The following TRAPPC9 variants were observed in gnomAD, a reference collection of about 807,000 sequenced individuals.
The protein encoded by TRAPPC9 is trafficking protein particle complex subunit 9.
A neutral mutation model predicts 124.0 loss-of-function variants in TRAPPC9; 83 were observed. The observed-to-expected ratio is 0.67, with a 90% CI of 0.56 to 0.80. TRAPPC9 has a LOEUF of 0.80. TRAPPC9 is among the 30% of genes least tolerant of loss of function. The pLI is 0.00. For synonymous variants in TRAPPC9, 638 were observed against 617.5 expected, an observed-to-expected ratio of 1.03 and a Z score of -0.49; for missense variants, 1,302 against 1,508.3, an observed-to-expected ratio of 0.86 and a Z score of 2.27.
At chr8:139,856,272 T>G (rs994773860) in intron 21 of TRAPPC9, among the ~76,000 whole-genome samples, 2 of 152,096 alleles carry the variant, frequency 1.3e-5, no homozygotes, top group African/African-American at 4.8e-5. Context: ...GGACTGAATT[T>G]CAGCATACCT....
chr8:139,903,485 C>T (rs1378127122), intron 20 of TRAPPC9, among the ~76,000 whole-genome samples: 1 of 152,168 alleles, frequency 6.6e-6, no homozygotes, highest in East Asian at 1.9e-4. Context: ...CCCTGAAATG[C>T]TCTCCAAAGG....
At chr8:140,179,659 G>A (rs1301137121) in intron 17 of TRAPPC9, among the ~76,000 whole-genome samples, 5 of 152,076 alleles carry the variant, frequency 3.3e-5, no homozygotes, top group African/African-American at 1.2e-4. Flanking sequence ...CAATTACCAA[G>A]AGTGGTGATA....
At chr8:140,334,149 A>G (rs1022029450) in intron 9 of TRAPPC9, among the ~76,000 whole-genome samples, 1 of 152,156 alleles carries the variant, frequency 6.6e-6, no homozygotes, top group Non-Finnish European at 1.5e-5. Context: ...CTTTATTCTA[A>G]AACTATTTCA....
intron 15 of TRAPPC9, among the ~76,000 whole-genome samples, chr8:140,270,859 G>A (rs1430284035): frequency 1.1e-4 from 16 of 152,252 alleles, no homozygotes; most frequent in Admixed American, 9.2e-4. Flanking sequence ...ATGAAGCCAA[G>A]CATGGGGCAG....
chr8:140,001,385 T>C (rs1158416647), intron 18 of TRAPPC9, among the ~76,000 whole-genome samples: 2 of 54,116 alleles, frequency 3.7e-5, no homozygotes, highest in Non-Finnish European at 1.1e-4. Flanking sequence ...ACTTAAAGTA[T>C]AATAATAATA....
At chr8:139,745,132 A>G (rs1436192787) in intron 21 of TRAPPC9, among the ~76,000 whole-genome samples, 2 of 152,200 alleles carry the variant, frequency 1.3e-5, no homozygotes, top group Non-Finnish European at 2.9e-5. Context: ...GGGGTGAAAC[A>G]CCGTCACCAA....
intron 21 of TRAPPC9, among the ~76,000 whole-genome samples, chr8:139,861,236 G>A (rs535685594): frequency 1.3e-5 from 2 of 152,356 alleles, no homozygotes; most frequent in Admixed American, 6.5e-5. Context: ...GGAGGGGAAC[G>A]AGTTCTTATT....
intron 21 of TRAPPC9, among the ~76,000 whole-genome samples, chr8:139,779,161 T>C (rs559751605): frequency 1.3e-5 from 2 of 152,216 alleles, no homozygotes; most frequent in East Asian, 3.9e-4. Flanking sequence ...CAATTTCATA[T>C]CACAAACAAT....
chr8:140,057,920 C>T (rs1360246418), intron 17 of TRAPPC9, among the ~76,000 whole-genome samples: 1 of 152,196 alleles, frequency 6.6e-6, no homozygotes, highest in African/African-American at 2.4e-5. Context: ...CTCAGCACAC[C>T]AGAGCTCTAG....
chr8:140,102,491 A>G (rs1052984812), intron 17 of TRAPPC9, among the ~76,000 whole-genome samples: 1 of 152,120 alleles, frequency 6.6e-6, no homozygotes, highest in Non-Finnish European at 1.5e-5. Flanking sequence ...ACACACACAC[A>G]CACGCATGCA....
intron 21 of TRAPPC9, among the ~76,000 whole-genome samples, chr8:139,806,895 G>C (rs1258858869): frequency 1.3e-5 from 2 of 152,226 alleles, no homozygotes; most frequent in African/African-American, 4.8e-5. Flanking sequence ...AAGGGGCGGG[G>C]GTGTTAAGGA....
Position 139,731,038 on chromosome 8 carries a change from AAG to A in TRAPPC9, c.*21_*22del. 6.2e-7 allele frequency: 1 copy of A among 1,610,634 alleles called. No homozygotes were observed. Among genetic ancestry groups the A allele is most frequent in the Non-Finnish European group, 8.5e-7 (1 of 1,179,398 alleles). ...GCAGGGTCACCTCTGGCCCTGCAGAAAGAGGGACGGAAGTAGGCGGGCTCAGG... is the reference window on the plus strand; with the variant it reads ...GCAGGGTCACCTCTGGCCCTGCAGAAAGGGACGGAAGTAGGCGGGCTCAGG... On this transcript the variant is annotated 3_prime_UTR_variant, in exon 23 of 23. Transcript: ENST00000438773.
chr8:140,319,595 T>C (rs955328414), intron 9 of TRAPPC9, among the ~76,000 whole-genome samples: 1 of 152,164 alleles, frequency 6.6e-6, no homozygotes, highest in Non-Finnish European at 1.5e-5. Context: ...GCCTACCGGA[T>C]AGCTGGGACT....
At chr8:140,326,113 G>A (rs1414465171) in intron 9 of TRAPPC9, among the ~76,000 whole-genome samples, 2 of 151,988 alleles carry the variant, frequency 1.3e-5, no homozygotes, top group Non-Finnish European at 2.9e-5. Flanking sequence ...CTGGCCAGGC[G>A]CAGTGGCTCA....
intron 9 of TRAPPC9, among the ~76,000 whole-genome samples, chr8:140,355,644 G>A (rs978885899): frequency 6.6e-6 from 1 of 152,218 alleles, no homozygotes; most frequent in Non-Finnish European, 1.5e-5. Flanking sequence ...CAGCACTGGG[G>A]GGGAATTAAC....
chr8:140,300,372 T>C, intron 11 of TRAPPC9, 97 bp downstream of exon 11: 1 of 1,522,516 alleles, frequency 6.6e-7, no homozygotes, highest in Non-Finnish European at 9.1e-7. Flanking sequence ...CACATGCACA[T>C]GCATGAACTG....
rs567828121 is a variant in TRAPPC9 at position 140,386,964 on chromosome 8, CAG to C, written c.1134+10654_1134+10655del. Among the ~76,000 whole-genome samples the C allele has an allele frequency of 3.5e-3, 539 of 152,262 alleles. 5 individuals carry two copies. Among genetic ancestry groups the C allele is most frequent in the African/African-American group, 0.012 (513 of 41,566 alleles). On this transcript the variant is annotated intron_variant, in intron 7 of 22. Coordinates refer to ENST00000438773, the MANE Select transcript of TRAPPC9 (RefSeq NM_001160372.4). ...AAACAGCATGGTACTGGTACCAAAACAGAGATATAGACCAATGGAACAGAACA... is the reference window on the plus strand; with the variant it reads ...AAACAGCATGGTACTGGTACCAAAACAGATATAGACCAATGGAACAGAACA...
At chr8:139,901,786 C>CG (rs1367543992) in intron 20 of TRAPPC9, among the ~76,000 whole-genome samples, 7 of 152,224 alleles carry the variant, frequency 4.6e-5, no homozygotes, top group African/African-American at 1.7e-4. Context: ...AGCAGCTGCC[C>CG]GTGCCCCCGG....
Position 139,731,002 on chromosome 8 carries a change from TG to T in TRAPPC9, c.*58del, listed in dbSNP as rs1817782624. On this transcript the variant is annotated 3_prime_UTR_variant, in exon 23 of 23. Transcript: ENST00000438773. ...AAGGCCTTGCTCATTGCAGGGGGTG[TG>T]GGAGGCCAGGCAGGGTCACCTCTGG... is the stretch of plus-strand genomic sequence containing the variant. 1 of 1,589,036 alleles carries T rather than the reference TG, an allele frequency of 6.3e-7. No individual in the cohort carries two copies. Among genetic ancestry groups the T allele is most frequent in the Non-Finnish European group, 8.6e-7 (1 of 1,167,062 alleles).
Sources: gnomAD v4.1 joint callset for allele counts (sites outside exome capture counted in the v4.1 genomes callset) on GRCh38, gnomAD v4.1.1 for gene constraint, MANE v1.5 for transcripts, NCBI Gene and HGNC (gene_info 2026-07-23, HGNC 2026-07-21) for gene names.